ZMYM4: variants seen among roughly 807,000 people sequenced by gnomAD.
ZMYM4 encodes the protein zinc finger MYM-type protein 4.
ZMYM4 carries 31 observed loss-of-function variants against 183.2 expected under a neutral mutation model. The observed-to-expected ratio is 0.17, with a 90% confidence interval of 0.13 to 0.23. The LOEUF is 0.23. Ranked by LOEUF, ZMYM4 falls within the 10% of genes least tolerant of loss-of-function variation. The pLI, the probability that ZMYM4 is intolerant of heterozygous loss-of-function variation, is 1.00. For missense variants in ZMYM4, 1,273 were observed against 1,840.3 expected, an observed-to-expected ratio of 0.69 and a Z score of 5.64; for synonymous variants, 592 against 631.2, an observed-to-expected ratio of 0.94 and a Z score of 0.93.
chr1:35,401,075 T>C (rs1644900433), intron 23 of ZMYM4, among the ~76,000 whole-genome samples: 1 of 152,242 alleles, frequency 6.6e-6, no homozygotes, highest in African/African-American at 2.4e-5. Context: ...TTACTCAAAA[T>C]GTTATGAACA....
At chr1:35,284,732 T>C (rs1640383656) in intron 1 of ZMYM4, among the ~76,000 whole-genome samples, 1 of 152,242 alleles carries the variant, frequency 6.6e-6, no homozygotes, top group South Asian at 2.1e-4. Flanking sequence ...AGGCCTTTTC[T>C]CTTGGCTTGT....
chr1:35,387,578 G>A lies in ZMYM4; in HGVS notation c.2237G>A (p.Gly746Asp), dbSNP rs1158677039. 1.2e-6 allele frequency: 2 copies of A among 1,612,404 alleles called. No individual in the cohort carries two copies. The highest frequency in any genetic ancestry group is 2.2e-5 in the East Asian group (1 of 44,844). ...KIVKETVRFS[G>D]ADKSFCSEGC... ...GTAAAGGAGACTGTTCGGTTCTCAG[G>A]TGCTGACAAGTCATTCTGTAGTGAA... Residue 746 changes from glycine (G) to aspartate (D), a missense_variant, in exon 13 of 30, where the codon GGT (glycine) becomes GAT (aspartate). Coordinates refer to ENST00000314607, the MANE Select transcript of ZMYM4 (RefSeq NM_005095.3).
intron 5 of ZMYM4, among the ~76,000 whole-genome samples, chr1:35,366,662 A>G (rs1354655236): frequency 6.6e-6 from 1 of 152,216 alleles, no homozygotes; most frequent in Admixed American, 6.5e-5. Flanking sequence ...AACTTGAAAT[A>G]ATGAAGAGAC....
chr1:35,379,757 A>G (rs2148960820), intron 7 of ZMYM4, among the ~76,000 whole-genome samples: 1 of 152,354 alleles, frequency 6.6e-6, no homozygotes, highest in South Asian at 2.1e-4. Flanking sequence ...TTGTGAGGTT[A>G]TTCATTGGCC....
rs1013439507 is a variant in ZMYM4 at position 35,405,413 on chromosome 1, A to C, written c.3741A>C (p.Leu1247Phe). Reference sequence around the variant, plus strand: ...CATCTAGCCCACGTTCTGACCCCTTAGGAAGTACTCAAGACCATGCACTCT... The same window carrying C: ...CATCTAGCCCACGTTCTGACCCCTTCGGAAGTACTCAAGACCATGCACTCT... ...QASSSPRSDP[L>F]GSTQDHALSQ... The change falls in exon 25 of 30, where the codon TTA (leucine) becomes TTC (phenylalanine). Residue 1247 changes from leucine (L) to phenylalanine (F), a missense_variant. Transcript: ENST00000314607. The C allele has an allele frequency of 1.9e-6, 3 of 1,613,614 alleles. No individual in the cohort carries two copies. Among genetic ancestry groups the C allele is most frequent in the Admixed American group, 3.3e-5 (2 of 59,934 alleles).
chr1:35,374,480 A>T (rs1484587806), intron 7 of ZMYM4, among the ~76,000 whole-genome samples: 1 of 152,084 alleles, frequency 6.6e-6, no homozygotes, highest in Admixed American at 6.6e-5. Flanking sequence ...AGTCTTTAAA[A>T]TTTCAGTGAT....
At position 35,421,972 on chromosome 1, in the gene ZMYM4, A is replaced by T. The variant is rs1640339271; in HGVS notation, c.*2295A>T. 1 of 152,190 alleles carries T rather than the reference A, an allele frequency of 6.6e-6. No individual in the cohort carries two copies. Among genetic ancestry groups the T allele is most frequent in the Non-Finnish European group, 1.5e-5 (1 of 68,016 alleles). 9.4% of individuals were successfully genotyped at this position (152,190 alleles called of 1,614,324 possible). ...GGTGAGTTCTTCTTCTTTACGTCTT[A>T]AAAGAATTTGAAATCTCTTTTTCTG... On this transcript the variant is annotated 3_prime_UTR_variant, in exon 30 of 30. Coordinates refer to ENST00000314607, the MANE Select transcript of ZMYM4 (RefSeq NM_005095.3).
rs770272805 is a variant in ZMYM4 at position 35,387,211 on chromosome 1, T to C, written c.2045T>C (p.Val682Ala). The change falls in exon 12 of 30, where the codon GTT becomes GCT. Residue 682 changes from valine (V) to alanine (A), a missense_variant. Transcript: ENST00000314607. ...QSQHVGFARSVVKLKCQHCNR... is the reference protein window; with the variant it reads ...QSQHVGFARSAVKLKCQHCNR... Reference sequence around the variant, plus strand: ...CAGCATGTTGGGTTTGCACGAAGTGTTGTGAAACTCAAATGTCAACACTGT... The same window carrying C: ...CAGCATGTTGGGTTTGCACGAAGTGCTGTGAAACTCAAATGTCAACACTGT... 6.2e-7 allele frequency: 1 copy of C among 1,614,220 alleles called. No individual in the cohort carries two copies. Among genetic ancestry groups the C allele is most frequent in the South Asian group, 1.1e-5 (1 of 91,088 alleles).
intron 13 of ZMYM4, among the ~76,000 whole-genome samples, chr1:35,388,427 A>G (rs911648150): frequency 1.3e-5 from 2 of 151,952 alleles, no homozygotes; most frequent in East Asian, 3.9e-4. Context: ...CTGGTCTCCA[A>G]CTCCTGACCT....
intron 27 of ZMYM4, among the ~76,000 whole-genome samples, chr1:35,414,534 T>C (rs1486460059): frequency 6.6e-6 from 1 of 152,186 alleles, no homozygotes; most frequent in Non-Finnish European, 1.5e-5. Context: ...AGAGGTTCAA[T>C]GTTATGCTTA....
chr1:35,292,599 G>A (rs1469221896), intron 1 of ZMYM4: 3 of 152,242 alleles, frequency 2.0e-5, no homozygotes, highest in Non-Finnish European at 2.9e-5. Context: ...CTGGATTCAA[G>A]CAATTCTCCT....
chr1:35,349,506 A>C (rs1027806877), intron 2 of ZMYM4, among the ~76,000 whole-genome samples: 3 of 152,140 alleles, frequency 2.0e-5, no homozygotes, highest in Non-Finnish European at 4.4e-5. Context: ...ATTGAATAGC[A>C]GATAGTCAGA....
intron 2 of ZMYM4, among the ~76,000 whole-genome samples, chr1:35,342,552 C>T (rs1417088217): frequency 1.3e-5 from 2 of 152,128 alleles, no homozygotes; most frequent in African/African-American, 4.8e-5. Flanking sequence ...TGGTGTTGAG[C>T]ATTTTTCAGA....
At chr1:35,332,541 A>T (rs1570371425) in intron 2 of ZMYM4, among the ~76,000 whole-genome samples, 1 of 151,830 alleles carries the variant, frequency 6.6e-6, no homozygotes, top group East Asian at 1.9e-4. Context: ...GCCTAACAGG[A>T]CTCAAAGACT....
intron 9 of ZMYM4, among the ~76,000 whole-genome samples, chr1:35,382,633 TG>T (rs1644490619): frequency 6.6e-6 from 1 of 151,876 alleles, no homozygotes; most frequent in African/African-American, 2.4e-5. Flanking sequence ...TTATTAGAGA[TG>T]GGATTTCACT....
rs770968621 is a variant in ZMYM4, at chr1:35,419,523, C to T, written c.4493C>T (p.Ser1498Phe). The T allele has an allele frequency of 1.9e-6, 3 of 1,613,830 alleles. No individual in the cohort carries two copies. The highest frequency in any genetic ancestry group is 1.3e-5 in the African/African-American group (1 of 74,834). Residue 1498 changes from serine (S) to phenylalanine (F), a missense_variant, in exon 30 of 30, where the codon TCC becomes TTC. Ser to Phe is a radical substitution (Grantham distance 155). Coordinates refer to ENST00000314607, the MANE Select transcript of ZMYM4 (RefSeq NM_005095.3). ...GTGTTTTACCTTCAACCTGAGCGCT[C>T]CTGTGTCCCGAATAGCCCCATGTGG... ...NDVFYLQPER[S>F]CVPNSPMWYS... is the part of the protein sequence containing the mutation.
chr1:35,289,238 T>A (rs1017443591), intron 1 of ZMYM4, among the ~76,000 whole-genome samples: 2 of 152,180 alleles, frequency 1.3e-5, no homozygotes, highest in African/African-American at 4.8e-5. Context: ...GGCTCCTGTA[T>A]ATGAGATGAA....
chr1:35,395,447 A>G (rs2149001028), intron 18 of ZMYM4, among the ~76,000 whole-genome samples: 1 of 152,160 alleles, frequency 6.6e-6, no homozygotes, highest in Non-Finnish European at 1.5e-5. Context: ...AAAAAAATTT[A>G]TGCCATATTA....
intron 1 of ZMYM4, among the ~76,000 whole-genome samples, chr1:35,321,104 G>A (rs1206326639): frequency 6.6e-6 from 1 of 152,232 alleles, no homozygotes; most frequent in African/African-American, 2.4e-5. Context: ...TCTACAAAAA[G>A]AATGGGATAT....
Sources: gnomAD v4.1 joint callset for allele counts (sites outside exome capture counted in the v4.1 genomes callset) on GRCh38, gnomAD v4.1.1 for gene constraint, MANE v1.5 for transcripts, NCBI Gene and HGNC (gene_info 2026-07-23, HGNC 2026-07-21) for gene names.